Variants in ANO3 observed in about 807,000 individuals in gnomAD.
The protein encoded by ANO3 is anoctamin 3, also known as anoctamin-3.
ANO3 carries 99 observed loss-of-function variants against 144.8 expected under a neutral mutation model. The ratio of observed to expected loss-of-function variants is 0.68; its 90% CI spans 0.58 to 0.81. The LOEUF is 0.81. Ranked by LOEUF, ANO3 falls within the 30% of genes least tolerant of loss-of-function variation. The pLI is 0.00. For synonymous variants in ANO3, 414 were observed against 392.6 expected (o/e 1.05, Z -0.64); for missense variants, 905 against 1,202.2 (o/e 0.75, Z 3.66).
At chr11:26,400,381 A>G (rs896810543) in intron 1 of ANO3, among the ~76,000 whole-genome samples, 4 of 152,060 alleles carry the variant, frequency 2.6e-5, no homozygotes, top group Non-Finnish European at 4.4e-5. Flanking sequence ...AAAGGAAGTG[A>G]TCATCTAGAA....
chr11:26,604,966 G>A (rs4922762), intron 17 of ANO3, among the ~76,000 whole-genome samples: 20,727 of 152,168 alleles, frequency 0.14, 1,727 homozygotes, highest in South Asian at 0.18. Context: ...AATAGGAGTG[G>A]TGAGAGAGGG....
intron 11 of ANO3, among the ~76,000 whole-genome samples, chr11:26,547,014 AAATCTAACTAACCTGCT>A (rs1366746276): frequency 1.3e-5 from 2 of 151,760 alleles, no homozygotes; most frequent in Non-Finnish European, 2.9e-5. Flanking sequence ...ATGGAGAGGG[AAATCTAACTAACCTGCT>A]CTCAGCACCC....
intron 1 of ANO3, among the ~76,000 whole-genome samples, chr11:26,202,704 T>C (rs1397375902): frequency 1.3e-5 from 2 of 151,602 alleles, no homozygotes; most frequent in African/African-American, 2.4e-5. Flanking sequence ...CACGAAGGCA[T>C]GAGAAAGCAA....
chr11:26,404,347 G>A (rs1246467119), intron 1 of ANO3, among the ~76,000 whole-genome samples: 1 of 151,812 alleles, frequency 6.6e-6, no homozygotes, highest in African/African-American at 2.4e-5. Context: ...GGCTTACATA[G>A]TTTATGAGGC....
intron 7 of ANO3, among the ~76,000 whole-genome samples, chr11:26,529,402 TAA>T (rs369417273): frequency 0.13 from 106 of 792 alleles, 50 homozygotes; most frequent in Non-Finnish European, 0.62. Context: ...ATATATTATA[TAA>T]TAATATATAA....
chr11:26,546,118 T>C (rs1254362568), intron 11 of ANO3, among the ~76,000 whole-genome samples: 1 of 151,918 alleles, frequency 6.6e-6, no homozygotes, highest in East Asian at 1.9e-4. Context: ...GTTAGTAACA[T>C]GTGCTAAAAA....
At chr11:26,313,871 T>TTATAATATAATATAATATAA (rs59751659) in intron 1 of ANO3, among the ~76,000 whole-genome samples, 3,405 of 147,492 alleles carry the variant, frequency 0.023, 95 homozygotes, top group African/African-American at 0.065. Context: ...AAATTAAATA[T>TTATAATATAATATAATATAA]TATAATATAA....
intron 1 of ANO3, among the ~76,000 whole-genome samples, chr11:26,321,485 A>G (rs1420416923): frequency 1.3e-5 from 2 of 152,084 alleles, no homozygotes; most frequent in East Asian, 3.9e-4. Context: ...TATTTTACTC[A>G]TAAATCTTGG....
At chr11:26,349,867 C>T (rs751196326) in intron 1 of ANO3, among the ~76,000 whole-genome samples, 2 of 152,078 alleles carry the variant, frequency 1.3e-5, no homozygotes, top group Admixed American at 6.6e-5. Context: ...TTTAAAGGAG[C>T]TAATGAGCCA....
intron 1 of ANO3, among the ~76,000 whole-genome samples, chr11:26,274,055 T>C (rs1853506326): frequency 2.0e-5 from 3 of 150,428 alleles, no homozygotes; most frequent in Non-Finnish European, 4.4e-5. Flanking sequence ...AAGAAAAAAA[T>C]AGACAGTGGA....
chr11:26,624,527 TAGTC>T (rs1447839073), intron 18 of ANO3, 29 bp downstream of exon 18: 2 of 1,552,810 alleles, frequency 1.3e-6, no homozygotes, highest in Admixed American at 3.4e-5. Context: ...CTTCACTCCT[TAGTC>T]AGAAAATAAC....
intron 14 of ANO3, chr11:26,567,108 A>C: frequency 2.0e-6 from 3 of 1,464,214 alleles, no homozygotes; most frequent in Non-Finnish European, 2.7e-6. Context: ...GCAGATGAAG[A>C]AACTGAAGCT....
chr11:26,323,592 T>A (rs188600586), intron 1 of ANO3, among the ~76,000 whole-genome samples: 10 of 152,296 alleles, frequency 6.6e-5, no homozygotes, highest in Admixed American at 5.2e-4. Flanking sequence ...GTGGGCTTCC[T>A]GTGCTCTCCT....
intron 14 of ANO3, chr11:26,563,393 C>A: frequency 1.2e-6 from 1 of 825,498 alleles, no homozygotes; most frequent in African/African-American, 2.6e-5. Context: ...GTGTTTCTCT[C>A]TCTGTGTGTG....
At chr11:26,496,278 T>C (rs1860936467) in intron 4 of ANO3, among the ~76,000 whole-genome samples, 1 of 152,202 alleles carries the variant, frequency 6.6e-6, no homozygotes, top group South Asian at 2.1e-4. Flanking sequence ...TCTTAATATT[T>C]CAAGAACACT....
At chr11:26,628,286 G>C (rs186128593) in intron 18 of ANO3, among the ~76,000 whole-genome samples, 5 of 152,096 alleles carry the variant, frequency 3.3e-5, no homozygotes, top group Admixed American at 6.5e-5. Context: ...TGTTAAAATC[G>C]TAACACAAAG....
chr11:26,495,557 T>C (rs970933044), intron 4 of ANO3, among the ~76,000 whole-genome samples: 1 of 152,194 alleles, frequency 6.6e-6, no homozygotes, highest in Non-Finnish European at 1.5e-5. Context: ...TCTGAGTAGA[T>C]GATTTGTAGC....
chr11:26,321,200 A>T (rs973125650), intron 1 of ANO3, among the ~76,000 whole-genome samples: 1 of 151,976 alleles, frequency 6.6e-6, no homozygotes, highest in Admixed American at 6.6e-5. Context: ...CTCCTACTTG[A>T]TCCCTCCCCA....
At position 26,537,473 on chromosome 11, in the gene ANO3, A is replaced by G; in HGVS notation, c.1032+12A>G. 6.2e-7 allele frequency: 1 copy of G among 1,609,862 alleles called. No individual in the cohort carries two copies. The highest frequency in any genetic ancestry group is 2.2e-5 in the East Asian group (1 of 44,846). ...TTCCACCACATGAGGTAATTTTGAA[A>G]TACAGTTTCCGCTTTATAAACAAGG... On this transcript the variant is annotated intron_variant, in intron 10 of 26. Transcript: ENST00000256737.
Sources: allele counts gnomAD v4.1 joint callset (sites outside exome capture counted in the v4.1 genomes callset), GRCh38; gene constraint gnomAD v4.1.1; transcripts MANE v1.5; gene names NCBI Gene and HGNC (gene_info 2026-07-23, HGNC 2026-07-21).